Variants in COPB1 observed in about 807,000 individuals in gnomAD.
COPB1 encodes coatomer subunit beta.
COPB1 carries 21 observed loss-of-function variants against 108.7 expected under a neutral mutation model. The ratio of observed to expected loss-of-function variants is 0.19; its 90% confidence interval spans 0.14 to 0.28. The LOEUF (loss-of-function observed/expected upper bound fraction) is 0.28. Ranked by LOEUF, COPB1 falls within the 10% of genes least tolerant of loss-of-function variation. The pLI, the probability that COPB1 is intolerant of heterozygous loss-of-function variation, is 1.00. For synonymous variants in COPB1, 378 were observed against 386.8 expected, an observed-to-expected ratio of 0.98 and a Z score of 0.27; for missense variants, 919 against 1,141.3, an observed-to-expected ratio of 0.81 and a Z score of 2.81.
At chr11:14,490,930 T>C (rs980247550) in intron 4 of COPB1, among the ~76,000 whole-genome samples, 2 of 151,544 alleles carry the variant, frequency 1.3e-5, no homozygotes, top group African/African-American at 4.9e-5. Flanking sequence ...GCTGCGATTA[T>C]AGGTGCCCAC....
At chr11:14,471,240 T>A (rs1430580727) in intron 14 of COPB1, among the ~76,000 whole-genome samples, 1 of 152,156 alleles carries the variant, frequency 6.6e-6, no homozygotes, top group Non-Finnish European at 1.5e-5. Context: ...TGAAGAGTGT[T>A]GGAAATGGCA....
intron 14 of COPB1, among the ~76,000 whole-genome samples, chr11:14,471,892 G>C (rs541592165): frequency 6.6e-6 from 1 of 152,226 alleles, no homozygotes; most frequent in South Asian, 2.1e-4. Flanking sequence ...ATGGCACTCC[G>C]GCCTGGGCAA....
intron 13 of COPB1, 101 bp from the exon 14 acceptor site, chr11:14,474,716 A>C: frequency 6.8e-7 from 1 of 1,466,458 alleles, no homozygotes; most frequent in African/African-American, 1.4e-5. Flanking sequence ...TCTTATTACC[A>C]TCCTTCAGTG....
rs1468895286 is a variant in COPB1, at chr11:14,465,039, AAG to A, written c.2291-11_2291-10del. The A allele has an allele frequency of 1.3e-6, 2 of 1,577,668 alleles. No individual in the cohort carries two copies. Among genetic ancestry groups the A allele is most frequent in the Non-Finnish European group, 1.7e-6 (2 of 1,158,520 alleles). On this transcript the variant is annotated splice_polypyrimidine_tract_variant and intron_variant, in intron 17 of 21. Coordinates refer to ENST00000439561, the MANE Select transcript of COPB1 (RefSeq NM_001144061.2). ...CACAAGTTTCAGATCCCCTGAAAGA[AAG>A]AGTTTGGATATGGTTAAAAATACAC...
rs561389882 is a variant in COPB1, at chr11:14,481,865, T to C, written c.958-768A>G. 5.3e-5 allele frequency among the ~76,000 whole-genome samples: 8 copies of C among 152,276 alleles called. No homozygotes were observed. The South Asian group carries it at 1.7e-3, about 32-fold the overall frequency. On this transcript the variant is annotated intron_variant, in intron 8 of 21. Coordinates refer to ENST00000439561, the MANE Select transcript of COPB1 (RefSeq NM_001144061.2). ...GTGCAGTGGCAAGATCTTGGCTCAC[T>C]GCAACCTCTGCCTCCTGGGTTCAAG... is the stretch of plus-strand genomic sequence containing the variant.
intron 4 of COPB1, among the ~76,000 whole-genome samples, chr11:14,492,614 A>G (rs1850932165): frequency 6.6e-6 from 1 of 151,802 alleles, no homozygotes; most frequent in Non-Finnish European, 1.5e-5. Context: ...AAGTGCTGGG[A>G]TTACAGGCAT....
intron 7 of COPB1, 38 bp from the exon 8 acceptor site, chr11:14,483,189 ATCT>A: frequency 2.0e-6 from 3 of 1,467,172 alleles, no homozygotes; most frequent in South Asian, 2.5e-5. Flanking sequence ...GAAGTTATTC[ATCT>A]ATCATAAAAT....
chr11:14,470,124 C>T (rs954560894), intron 14 of COPB1, among the ~76,000 whole-genome samples: 4 of 152,126 alleles, frequency 2.6e-5, no homozygotes, highest in African/African-American at 4.8e-5. Flanking sequence ...CCTAAATTGT[C>T]TTAAAATGTT....
chr11:14,476,888 A>G lies in COPB1; in HGVS notation c.1455+31T>C, dbSNP rs948721195. 9 of 1,391,968 alleles carry G rather than the reference A, an allele frequency of 6.5e-6. No individual in the cohort carries two copies. In the African/African-American group the frequency reaches 1.1e-4, roughly 18 times the overall value. The allele number at this position is 1,391,968 out of a possible 1,614,324, so 86.2% of individuals were successfully genotyped here. On this transcript the variant is annotated intron_variant, in intron 12 of 21. Transcript: ENST00000439561. ...ATTTTCCTAAAGGAAAAATTACCAT[A>G]TAAACTAACATTTACTAAAGTAAAA...
At chr11:14,459,242 TTC>T (rs1850091005) in intron 20 of COPB1, among the ~76,000 whole-genome samples, 1 of 96,296 alleles carries the variant, frequency 1.0e-5, no homozygotes, top group Non-Finnish European at 2.1e-5. Context: ...TATTTATATA[TTC>T]TGTTTACTTA....
chr11:14,460,076 G>T, intron 20 of COPB1, 132 bp downstream of exon 20: 1 of 582,208 alleles, frequency 1.7e-6, no homozygotes, highest in East Asian at 3.0e-5. Flanking sequence ...CATTCTATGG[G>T]ATAACATCTT....
chr11:14,460,301 T>A lies in COPB1; in HGVS notation c.2557-4A>T. The A allele has an allele frequency of 6.3e-7, 1 of 1,581,580 alleles. No individual in the cohort carries two copies. ...CCATGTTGGTGTTAACTGTCACCTG[T>A]AGAGAGGAAAAAAAAGTCAAGGAGA... On this transcript the variant is annotated splice_polypyrimidine_tract_variant and splice_region_variant and intron_variant, in intron 19 of 21. Transcript: ENST00000439561.
chr11:14,497,541 C>T (rs1289501766), intron 2 of COPB1, among the ~76,000 whole-genome samples: 1 of 152,088 alleles, frequency 6.6e-6, no homozygotes, highest in Non-Finnish European at 1.5e-5. Flanking sequence ...CAAGCAAAAA[C>T]AAATGCTGGA....
chr11:14,478,373 G>A (rs1306488414), intron 11 of COPB1, among the ~76,000 whole-genome samples: 2 of 150,098 alleles, frequency 1.3e-5, no homozygotes, highest in Non-Finnish European at 3.0e-5. Flanking sequence ...CCAGGAGTTC[G>A]AGACCAGCCT....
At chr11:14,488,800 G>A (rs1850831984) in intron 5 of COPB1, among the ~76,000 whole-genome samples, 1 of 151,980 alleles carries the variant, frequency 6.6e-6, no homozygotes, top group South Asian at 2.1e-4. Flanking sequence ...CACAAACCTG[G>A]GGTCTGATTT....
intron 5 of COPB1, among the ~76,000 whole-genome samples, chr11:14,489,692 A>T (rs1850852640): frequency 1.3e-5 from 2 of 152,224 alleles, no homozygotes; most frequent in Admixed American, 6.5e-5. Context: ...GACAGCAAGT[A>T]GAATGGTGGC....
rs779388927 is a variant in COPB1, at chr11:14,479,628, G to C, written c.1299C>G (p.Asn433Lys). Residue 433 changes from asparagine (N) to lysine (K), a missense_variant, in exon 11 of 22, where the codon AAC (asparagine) becomes AAG (lysine). By Grantham distance (94) the Asn-to-Lys change is moderately conservative. This residue lies in a region of COPB1 where 705 missense variants were observed against 817.8 expected (regional missense o/e 0.86). Coordinates refer to ENST00000439561, the MANE Select transcript of COPB1 (RefSeq NM_001144061.2). ...TCTTCTCAACAATAAGCATTCTCAG[G>C]TTATCAAAGCGCTGAATGGCTTCAC... ...FVREAIQRFD[N>K]LRMLIVEKML... 6 of 1,612,774 alleles carry C rather than the reference G, an allele frequency of 3.7e-6. No homozygotes were observed. In the Admixed American group the frequency reaches 5.0e-5, roughly 13 times the overall value.
At chr11:14,468,597 ATCTT>A in intron 16 of COPB1, 80 bp downstream of exon 16, 1 of 1,331,820 alleles carries the variant, frequency 7.5e-7, no homozygotes, top group Non-Finnish European at 1.0e-6. Flanking sequence ...CAAAATAGTT[ATCTT>A]TCTTTTAAAA....
rs752367384 is a variant in COPB1, at chr11:14,466,370, G to C, written c.2202C>G (p.Val734=). ...DPVYAEAYVH[V]NQYDIVLDVL... ...CATCCAGGACAATATCATATTGGTT[G>C]ACATGAACGTAAGCTTCTGCATATA... Residue 734 remains valine, a synonymous_variant, in exon 17 of 22, where the codon GTC becomes GTG. Transcript: ENST00000439561. The C allele has an allele frequency of 6.2e-6, 10 of 1,613,300 alleles. No individual in the cohort carries two copies. The highest frequency in any genetic ancestry group is 5.0e-5 in the Admixed American group (3 of 59,992).
Sources: gnomAD v4.1 joint callset for allele counts (sites outside exome capture counted in the v4.1 genomes callset) on GRCh38, gnomAD v4.1.1 for gene constraint, gnomAD v4.1.1 regional missense constraint, MANE v1.5 for transcripts, NCBI Gene and HGNC (gene_info 2026-07-23, HGNC 2026-07-21) for gene names.